The following NAV3 variants were observed in gnomAD, a reference collection of about 807,000 sequenced individuals.
NAV3 encodes the protein pore membrane and/or filament interacting like protein 1.
NAV3 carries 87 observed loss-of-function variants against 244.7 expected under a neutral mutation model. That is an observed-to-expected ratio of 0.36 (90% CI 0.30 to 0.42). The LOEUF (loss-of-function observed/expected upper bound fraction) is 0.42. Ranked by LOEUF, NAV3 falls within the 20% of genes least tolerant of loss-of-function variation. NAV3 has a pLI of 1.00. For synonymous variants in NAV3, 1,126 were observed against 1,042.2 expected (o/e 1.08, Z -1.55); for missense variants, 2,663 against 2,893.3 (o/e 0.92, Z 1.83).
intron 2 of NAV3, among the ~76,000 whole-genome samples, chr12:77,731,246 G>T (rs1877114500): frequency 6.6e-6 from 1 of 151,962 alleles, no homozygotes; most frequent in Admixed American, 6.6e-5. Flanking sequence ...AGTTTTGGAG[G>T]AGAAGGGAGG....
Position 78,197,346 on chromosome 12 carries a change from G to T in NAV3, c.6391G>T (p.Val2131Leu). 1 of 1,608,716 alleles carries T rather than the reference G, an allele frequency of 6.2e-7. No individual in the cohort carries two copies. The highest frequency in any genetic ancestry group is 8.5e-7 in the Non-Finnish European group (1 of 1,176,802). ...VVIILDNLHH[V>L]GSLSDIFNGF... ...AATAATTCTTGATAATCTTCATCAT[G>T]TGGGCTCTCTGAGTGATATCTTCAA... Residue 2131 changes from valine to leucine, a missense_variant, in exon 35 of 40, where the codon GTG becomes TTG. Val to Leu is a conservative substitution (Grantham distance 32). This residue lies in a region of NAV3 where 543 missense variants were observed against 672.4 expected (regional missense o/e 0.81). Coordinates refer to ENST00000397909, the MANE Select transcript of NAV3 (RefSeq NM_001024383.2).
intron 11 of NAV3, among the ~76,000 whole-genome samples, chr12:78,053,457 G>C (rs780252904): frequency 2.5e-4 from 38 of 152,058 alleles, no homozygotes; most frequent in Non-Finnish European, 4.7e-4. Flanking sequence ...CTTGCTTTAC[G>C]TAAGTCTCTC....
intron 9 of NAV3, among the ~76,000 whole-genome samples, chr12:78,029,726 C>A (rs1450116416): frequency 6.6e-6 from 1 of 152,176 alleles, no homozygotes; most frequent in Non-Finnish European, 1.5e-5. Context: ...TGTTTCATAG[C>A]TGATACAGGT....
intron 2 of NAV3, among the ~76,000 whole-genome samples, chr12:77,599,441 T>C (rs1870321710): frequency 1.3e-5 from 2 of 151,966 alleles, no homozygotes; most frequent in African/African-American, 4.8e-5. Flanking sequence ...TTGAATATTG[T>C]ACTTTGTGAC....
intron 2 of NAV3, among the ~76,000 whole-genome samples, chr12:77,669,075 C>T (rs556049019): frequency 3.7e-4 from 56 of 152,038 alleles, no homozygotes; most frequent in Non-Finnish European, 7.4e-4. Context: ...GAAAAGATAC[C>T]GTGTTTCCCA....
chr12:77,770,050 G>T (rs1036931551), intron 2 of NAV3, among the ~76,000 whole-genome samples: 1 of 152,094 alleles, frequency 6.6e-6, no homozygotes, highest in Non-Finnish European at 1.5e-5. Context: ...AAAAAATGGT[G>T]GCTTTGTATT....
intron 1 of NAV3, among the ~76,000 whole-genome samples, chr12:77,899,319 A>G (rs1350215669): frequency 6.6e-6 from 1 of 152,204 alleles, no homozygotes; most frequent in Non-Finnish European, 1.5e-5. Flanking sequence ...TGCTGCAGAG[A>G]ACTCTTTCAT....
At chr12:77,680,987 C>T (rs765808691) in intron 2 of NAV3, among the ~76,000 whole-genome samples, 11 of 152,152 alleles carry the variant, frequency 7.2e-5, no homozygotes, top group African/African-American at 2.2e-4. Flanking sequence ...GGGGGAGGGG[C>T]GGAAGTCATT....
At chr12:78,092,664 T>C (rs971305120) in intron 12 of NAV3, among the ~76,000 whole-genome samples, 2 of 151,818 alleles carry the variant, frequency 1.3e-5, no homozygotes, top group African/African-American at 4.8e-5. Flanking sequence ...CATGCCCGGC[T>C]AATTTTTTGT....
At chr12:78,131,217 T>G (rs375667202) in intron 18 of NAV3, among the ~76,000 whole-genome samples, 1 of 152,230 alleles carries the variant, frequency 6.6e-6, no homozygotes, top group Non-Finnish European at 1.5e-5. Context: ...TCTTTTCTAT[T>G]GCAACCCTTC....
chr12:77,906,892 C>T (rs1886037497), intron 1 of NAV3, among the ~76,000 whole-genome samples: 1 of 151,956 alleles, frequency 6.6e-6, no homozygotes, highest in African/African-American at 2.4e-5. Context: ...AATATTTTAC[C>T]TATATGAAAT....
chr12:78,199,433 G>A lies in NAV3; in HGVS notation c.6617G>A (p.Arg2206His), dbSNP rs1007506972. 5.6e-6 allele frequency: 9 copies of A among 1,609,860 alleles called. No individual in the cohort carries two copies. Among genetic ancestry groups the A allele is most frequent in the African/African-American group, 2.7e-5 (2 of 74,596 alleles). Residue 2206 changes from arginine (R) to histidine (H), a missense_variant, in exon 37 of 40, where the codon CGC (arginine) becomes CAC (histidine). This residue lies in a region of NAV3 where 543 missense variants were observed against 672.4 expected (regional missense o/e 0.81). Transcript: ENST00000397909. ...GAGATAGAAATTGAAAGGAACATTC[G>A]CAATAATGACCTAGTCAAAATTATA... is the stretch of plus-strand genomic sequence containing the variant. ...LIEIEIERNI[R>H]NNDLVKIIDW...
At chr12:78,178,300 C>A (rs1158836458) in intron 28 of NAV3, among the ~76,000 whole-genome samples, 1 of 151,622 alleles carries the variant, frequency 6.6e-6, no homozygotes, top group Admixed American at 6.6e-5. Context: ...GCTGGGTTTA[C>A]AGGCGTGCAC....
chr12:77,669,719 T>C (rs1357476236), intron 2 of NAV3, among the ~76,000 whole-genome samples: 1 of 152,120 alleles, frequency 6.6e-6, no homozygotes, highest in African/African-American at 2.4e-5. Flanking sequence ...CTACTAGACC[T>C]AAGAAGTAAG....
At chr12:77,659,118 T>C (rs1873290305) in intron 2 of NAV3, among the ~76,000 whole-genome samples, 1 of 151,610 alleles carries the variant, frequency 6.6e-6, no homozygotes, top group Non-Finnish European at 1.5e-5. Flanking sequence ...TGGGATCTAA[T>C]TAAACTAAAG....
At chr12:77,621,932 TAA>T (rs1362221480) in intron 2 of NAV3, among the ~76,000 whole-genome samples, 3 of 152,210 alleles carry the variant, frequency 2.0e-5, no homozygotes, top group Admixed American at 6.5e-5. Context: ...AGAGGAATAA[TAA>T]GTCTTGGGTT....
chr12:77,662,217 A>G (rs1209926837), intron 2 of NAV3, among the ~76,000 whole-genome samples: 5 of 105,734 alleles, frequency 4.7e-5, no homozygotes, highest in South Asian at 3.6e-4. Flanking sequence ...ATATATCTTC[A>G]TATCTATCTG....
intron 5 of NAV3, among the ~76,000 whole-genome samples, chr12:77,982,226 A>ACATGTTAATTAATTCAACAAAGCACAAGT (rs1308656644): frequency 0.016 from 1,060 of 65,446 alleles, 28 homozygotes; most frequent in South Asian, 0.027. Flanking sequence ...TTAATGAAAG[A>ACATGTTAATTAATTCAACAAAGCACAAGT]TGATTTGTTG....
chr12:78,049,443 C>T (rs932917868), intron 9 of NAV3, among the ~76,000 whole-genome samples: 2 of 152,206 alleles, frequency 1.3e-5, no homozygotes, highest in African/African-American at 4.8e-5. Context: ...TCCCTCATGA[C>T]TTCCCTTGGC....
Sources: gnomAD v4.1 joint callset for allele counts (sites outside exome capture counted in the v4.1 genomes callset) on GRCh38, gnomAD v4.1.1 for gene constraint, gnomAD v4.1.1 regional missense constraint, MANE v1.5 for transcripts, NCBI Gene and HGNC (gene_info 2026-07-23, HGNC 2026-07-21) for gene names.